The following SLC30A6 variants were observed in gnomAD, a reference collection of about 807,000 sequenced individuals.
The protein encoded by SLC30A6 is solute carrier family 30 member 6, also known as zinc transporter 6.
SLC30A6 carries 55 observed loss-of-function variants against 63.0 expected under a neutral mutation model. The observed-to-expected ratio is 0.87, with a 90% CI of 0.70 to 1.09. The LOEUF is 1.09. Among genes scored for constraint, SLC30A6 ranks in the 50% least tolerant of loss-of-function variants. SLC30A6 has a pLI of 0.00. For synonymous variants in SLC30A6, 224 were observed against 186.1 expected, an observed-to-expected ratio of 1.20 and a Z score of -1.66; for missense variants, 587 against 549.2, an observed-to-expected ratio of 1.07 and a Z score of -0.69.
intron 13 of SLC30A6, among the ~76,000 whole-genome samples, chr2:32,216,076 G>C (rs549328992): frequency 6.6e-5 from 10 of 152,312 alleles, no homozygotes; most frequent in African/African-American, 2.4e-4. Flanking sequence ...TATATACCCA[G>C]TTATGGGATT....
At chr2:32,169,128 G>A (rs916690808) in intron 1 of SLC30A6, among the ~76,000 whole-genome samples, 2 of 151,858 alleles carry the variant, frequency 1.3e-5, no homozygotes, top group African/African-American at 4.8e-5. Context: ...ATATACATAT[G>A]TACATACACA....
intron 12 of SLC30A6, among the ~76,000 whole-genome samples, chr2:32,209,152 G>C (rs1246129864): frequency 6.6e-6 from 1 of 152,160 alleles, no homozygotes; most frequent in Admixed American, 6.6e-5. Flanking sequence ...TAAAAAATCT[G>C]ATACCACAAA....
chr2:32,211,737 C>T (rs1685273062), intron 13 of SLC30A6, among the ~76,000 whole-genome samples: 1 of 152,132 alleles, frequency 6.6e-6, no homozygotes, highest in Admixed American at 6.6e-5. Context: ...CCTGCCTCAG[C>T]CTCCCGAGTA....
chr2:32,203,322 G>C (rs1353277566), intron 10 of SLC30A6: 1 of 921,296 alleles, frequency 1.1e-6, no homozygotes, highest in East Asian at 2.4e-5. Flanking sequence ...CAAAAAGTAG[G>C]AATTACTTTT....
intron 8 of SLC30A6, among the ~76,000 whole-genome samples, chr2:32,196,391 T>C (rs1362852817): frequency 1.3e-5 from 2 of 152,172 alleles, no homozygotes; most frequent in African/African-American, 4.8e-5. Context: ...GTACTTTCTA[T>C]ATGCCAAGCA....
intron 10 of SLC30A6, among the ~76,000 whole-genome samples, chr2:32,198,921 C>T (rs944542194): frequency 6.6e-6 from 1 of 152,096 alleles, no homozygotes; most frequent in Admixed American, 6.6e-5. Flanking sequence ...GCCATTACCA[C>T]CATCCATCTC....
Position 32,204,700 on chromosome 2 carries a change from G to T in SLC30A6, c.768+8G>T, listed in dbSNP as rs757116404. The T allele has an allele frequency of 1.3e-6, 2 of 1,571,912 alleles. No homozygotes were observed. Among genetic ancestry groups the T allele is most frequent in the Non-Finnish European group, 1.7e-6 (2 of 1,148,558 alleles). On this transcript the variant is annotated splice_region_variant and intron_variant, in intron 11 of 13. Transcript: ENST00000282587. ...GGGAAAGTCTTACTCCAGGTAAGGT[G>T]CTTCTTCCAATGCACGTGCTTAATA... is the stretch of plus-strand genomic sequence containing the variant.
chr2:32,195,266 C>G (rs1683684649), intron 8 of SLC30A6, among the ~76,000 whole-genome samples: 1 of 152,048 alleles, frequency 6.6e-6, no homozygotes. Flanking sequence ...CGGGGTTTCC[C>G]CATGTTGGCC....
chr2:32,220,423 G>A lies in SLC30A6; in HGVS notation c.1096G>A (p.Gly366Ser), dbSNP rs1252460360. Residue 366 changes from glycine (G) to serine (S), a missense_variant, in exon 14 of 14, where the codon GGT (glycine) becomes AGT (serine). Transcript: ENST00000282587. ...HHVIPMPLLKGTDDLNPVTST... is the reference protein window; with the variant it reads ...HHVIPMPLLKSTDDLNPVTST... ...CGTAATCCCAATGCCTCTTTTAAAG[G>A]GTACTGATGATTTGAACCCAGTTAC... The A allele has an allele frequency of 1.2e-6, 2 of 1,614,124 alleles. No individual in the cohort carries two copies. The highest frequency in any genetic ancestry group is 2.2e-5 in the East Asian group (1 of 44,888).
Position 32,171,331 on chromosome 2 carries a change from C to G in SLC30A6, c.48C>G (p.Gly16=). Residue 16 remains glycine, a synonymous_variant, in exon 2 of 14, where the codon GGC becomes GGG. Transcript: ENST00000282587. Reference sequence around the variant, plus strand: ...GAAAACCACAAAGATCCTTTTTTGGCAAGTTGTTACGGGAATTTAGACTTG... The same window carrying G: ...GAAAACCACAAAGATCCTTTTTTGGGAAGTTGTTACGGGAATTTAGACTTG... ...LFRKPQRSFF[G]KLLREFRLVA... The G allele has an allele frequency of 6.2e-7, 1 of 1,613,624 alleles. No individual in the cohort carries two copies. Among genetic ancestry groups the G allele is most frequent in the Non-Finnish European group, 8.5e-7 (1 of 1,179,762 alleles).
At chr2:32,200,838 A>AT (rs1325409839) in intron 10 of SLC30A6, among the ~76,000 whole-genome samples, 19 of 150,758 alleles carry the variant, frequency 1.3e-4, no homozygotes, top group African/African-American at 3.9e-4. Context: ...AATAAAGAAA[A>AT]AAATAATAAT....
At chr2:32,210,515 CAAAAA>C (rs3040860) in intron 13 of SLC30A6, among the ~76,000 whole-genome samples, 4,321 of 89,328 alleles carry the variant, frequency 0.048, 47 homozygotes, top group Non-Finnish European at 0.065. Context: ...ACTCTGTCTC[CAAAAA>C]AAAAAAAAAA....
At chr2:32,166,095 C>T (rs1406998340) in intron 1 of SLC30A6, among the ~76,000 whole-genome samples, 192 bp downstream of exon 1, 1 of 152,240 alleles carries the variant, frequency 6.6e-6, no homozygotes, top group Non-Finnish European at 1.5e-5. Context: ...GGTCCCTCAC[C>T]TGTTCCGCAG....
intron 12 of SLC30A6, among the ~76,000 whole-genome samples, chr2:32,209,151 T>G (rs569436673): frequency 6.6e-6 from 1 of 152,298 alleles, no homozygotes; most frequent in South Asian, 2.1e-4. Flanking sequence ...GTAAAAAATC[T>G]GATACCACAA....
chr2:32,209,608 T>C, intron 13 of SLC30A6, 47 bp downstream of exon 13: 1 of 1,454,430 alleles, frequency 6.9e-7, no homozygotes, highest in Non-Finnish European at 9.4e-7. Flanking sequence ...AAATATAGTC[T>C]TCCATTTTTA....
At chr2:32,204,972 C>T (rs1372732911) in intron 11 of SLC30A6, among the ~76,000 whole-genome samples, 1 of 151,992 alleles carries the variant, frequency 6.6e-6, no homozygotes, top group Non-Finnish European at 1.5e-5. Context: ...CCACCACACC[C>T]AGCTAATTTT....
chr2:32,188,980 A>G (rs186525276), intron 5 of SLC30A6, among the ~76,000 whole-genome samples: 38 of 152,298 alleles, frequency 2.5e-4, no homozygotes, highest in Non-Finnish European at 4.3e-4. Context: ...CTCATATTCC[A>G]TTATATGAAT....
intron 13 of SLC30A6, among the ~76,000 whole-genome samples, chr2:32,218,201 G>A (rs936804018): frequency 5.9e-5 from 9 of 151,996 alleles, no homozygotes; most frequent in African/African-American, 2.2e-4. Context: ...CAGGAGGATC[G>A]CTTGAACCTA....
At chr2:32,183,271 T>G (rs1042231493) in intron 4 of SLC30A6, among the ~76,000 whole-genome samples, 2 of 152,164 alleles carry the variant, frequency 1.3e-5, no homozygotes, top group Non-Finnish European at 2.9e-5. Context: ...TGAGGAATTG[T>G]GAGCTAGGGA....
Sources: allele counts gnomAD v4.1 joint callset (sites outside exome capture counted in the v4.1 genomes callset), GRCh38; gene constraint gnomAD v4.1.1; transcripts MANE v1.5; gene names NCBI Gene and HGNC (gene_info 2026-07-23, HGNC 2026-07-21).